Variants in KMT2D observed in about 807,000 individuals in gnomAD.
KMT2D encodes histone-lysine N-methyltransferase 2D.
A neutral mutation model predicts 512.7 loss-of-function variants in KMT2D; 55 were observed. That is an observed-to-expected ratio of 0.11 (90% CI 0.09 to 0.13). The LOEUF (loss-of-function observed/expected upper bound fraction) is 0.13. KMT2D is among the 10% of genes least tolerant of loss of function. The pLI, the probability that KMT2D is intolerant of heterozygous loss-of-function variation, is 1.00. For synonymous variants in KMT2D, 2,995 were observed against 2,904.0 expected (o/e 1.03, Z -1.01); for missense variants, 6,061 against 7,127.9 (o/e 0.85, Z 5.39).
At position 49,037,171 on chromosome 12, in the gene KMT2D, T is replaced by C. The variant is rs2120475088; in HGVS notation, c.10185A>G (p.Gln3395=). The C allele has an allele frequency of 1.9e-6, 3 of 1,595,684 alleles. No homozygotes were observed. Among genetic ancestry groups the C allele is most frequent in the Non-Finnish European group, 2.6e-6 (3 of 1,166,302 alleles). Residue 3395 remains glutamine (Q), a synonymous_variant, in exon 35 of 55, where the codon CAA becomes CAG. Transcript: ENST00000301067. The part of the protein sequence containing the change: ...MPPSMCMKPQ[Q]LAMQQQLANS... ...TTGCCAGCTGCTGCTGCATTGCCAA[T>C]TGCTGCGGCTTCATGCACATGGAAG...
In KMT2D at chr12:49,050,662, G is replaced by T. The variant is rs1481084539; in HGVS notation, c.2926C>A (p.Pro976Thr). The change falls in exon 12 of 55, where the codon CCC (proline) becomes ACC (threonine). Residue 976 changes from proline (P) to threonine (T), a missense_variant. Pro to Thr is a conservative substitution (Grantham distance 38). Transcript: ENST00000301067. ...DSDPESPLAA[P>T]ILETPISPPP... ...GGGCTGATGGGTGTCTCCAGGATGG[G>T]GGCAGCCAACGGTGACTCAGGGTCA... 6.2e-7 allele frequency: 1 copy of T among 1,613,514 alleles called. No individual in the cohort carries two copies. Among genetic ancestry groups the T allele is most frequent in the African/African-American group, 1.3e-5 (1 of 74,930 alleles).
Position 49,039,700 on chromosome 12 carries a change from C to G in KMT2D, c.8046+24G>C, listed in dbSNP as rs775763674. On this transcript the variant is annotated intron_variant, in intron 32 of 54. Transcript: ENST00000301067. This position sits in a 1 kb window ranked among gnomAD's most constrained non-coding sequence, Gnocchi z 5.0. ...CCAGAGACAGGAGCGATATAGGGGGCTTAGCTCCAGGGTGTCAACTTACCT... is the reference window on the plus strand; with the variant it reads ...CCAGAGACAGGAGCGATATAGGGGGGTTAGCTCCAGGGTGTCAACTTACCT... 2 of 1,608,270 alleles carry G rather than the reference C, an allele frequency of 1.2e-6. No individual in the cohort carries two copies. The highest frequency in any genetic ancestry group is 1.7e-5 in the Admixed American group (1 of 59,840).
rs1282433002 is a variant in KMT2D at position 49,054,034 on chromosome 12, G to C, written c.617C>G (p.Ser206Cys). Residue 206 changes from serine to cysteine, a missense_variant, in exon 6 of 55, where the codon TCC (serine) becomes TGC (cysteine). By Grantham distance (112) the Ser-to-Cys change is moderately radical. This residue lies in a region of KMT2D where 160 missense variants were observed against 225.8 expected (regional missense o/e 0.71). Coordinates refer to ENST00000301067, the MANE Select transcript of KMT2D (RefSeq NM_003482.4). The surrounding 1 kb of genome is among the most constrained non-coding windows in gnomAD (Gnocchi z 6.4). ...GCATAGCAGCTGCAGTGTTTTCATGGATAGGAAGGAACCGCTGGCAGTCGC... is the reference window on the plus strand; with the variant it reads ...GCATAGCAGCTGCAGTGTTTTCATGCATAGGAAGGAACCGCTGGCAGTCGC... ...PCATASGSFLSMKTLQLLCPE... is the reference protein window; with the variant it reads ...PCATASGSFLCMKTLQLLCPE... 6.2e-7 allele frequency: 1 copy of C among 1,613,962 alleles called. No individual in the cohort carries two copies. The highest frequency in any genetic ancestry group is 2.2e-5 in the East Asian group (1 of 44,878).
In KMT2D at chr12:49,037,285, T is replaced by C. The variant is rs2120476768; in HGVS notation, c.10071A>G (p.Leu3357=). The C allele has an allele frequency of 3.7e-6, 6 of 1,613,642 alleles. No individual in the cohort carries two copies. The highest frequency in any genetic ancestry group is 5.1e-6 in the Non-Finnish European group (6 of 1,179,840). ...CTGCCTGCCCTCCATGCTGCCCACT[T>C]AGCATATGCCCTTGATTGGACACCA... The part of the protein sequence containing the change: ...MAMVSNQGHM[L]SGQHGGQAGL... The change falls in exon 35 of 55, where the codon CTA becomes CTG. Residue 3357 remains leucine (L), a synonymous_variant. Transcript: ENST00000301067.
rs199913341 is a variant in KMT2D at position 49,039,508 on chromosome 12, C to G, written c.8156G>C (p.Ser2719Thr). 110 of 1,611,910 alleles carry G rather than the reference C, an allele frequency of 6.8e-5. No individual in the cohort carries two copies. Among genetic ancestry groups the G allele is most frequent in the Non-Finnish European group, 8.4e-5 (99 of 1,179,172 alleles). The change falls in exon 33 of 55, where the codon AGC becomes ACC. Residue 2719 changes from serine (S) to threonine (T), a missense_variant. Ser to Thr is a moderately conservative substitution (Grantham distance 58). Around this residue, in one of 16 missense-constraint regions of KMT2D, gnomAD observed 527 missense variants for 578.9 expected, o/e 0.91. Coordinates refer to ENST00000301067, the MANE Select transcript of KMT2D (RefSeq NM_003482.4). The surrounding 1 kb of genome is among the most constrained non-coding windows in gnomAD (Gnocchi z 5.0). ...AGGGCTGCTGGGCTCAGCACCCCAG[C>G]TGCCTGGAGGCCCCACTGCTCCTGC... ...AAAGAVGPPG[S>T]WGAEPSSPAF...
rs1446650180 is a variant in KMT2D at position 49,032,571 on chromosome 12, T to C, written c.12134A>G (p.Gln4045Arg). 6.2e-7 allele frequency: 1 copy of C among 1,613,488 alleles called. No homozygotes were observed. Among genetic ancestry groups the C allele is most frequent in the Non-Finnish European group, 8.5e-7 (1 of 1,179,734 alleles). Residue 4045 changes from glutamine (Q) to arginine (R), a missense_variant, in exon 40 of 55, where the codon CAG becomes CGG. Physicochemically the swap from Gln to Arg is conservative, Grantham distance 43. This residue lies in a region of KMT2D where 1,600 missense variants were observed against 1,754.9 expected (regional missense o/e 0.91). Coordinates refer to ENST00000301067, the MANE Select transcript of KMT2D (RefSeq NM_003482.4). The stretch of plus-strand genomic sequence containing the variant: ...AGTTCCTATTGCTAACGGCCCTCCC[T>C]GATGTGTAGAGGGCCCCTCAGTGGC... ...SEATEGPSTH[Q>R]GGPLAIGTTP...
chr12:49,052,703 T>C lies in KMT2D; in HGVS notation c.1119A>G (p.Ser373=). 1 of 1,611,824 alleles carries C rather than the reference T, an allele frequency of 6.2e-7. No individual in the cohort carries two copies. Among genetic ancestry groups the C allele is most frequent in the Non-Finnish European group, 8.5e-7 (1 of 1,179,148 alleles). Residue 373 remains serine (S), a synonymous_variant, in exon 10 of 55, where the codon TCA becomes TCG. Transcript: ENST00000301067. ...TGGGGGTATCGCCAGGCTCTGGGGG[T>C]GAAAATCTGCAGAGGGTACAGGGGA... is the stretch of plus-strand genomic sequence containing the variant. ...EQHTPVCSRF[S]PPEPGDTPTD...
rs1346820144 is a variant in KMT2D, at chr12:49,043,982, C to A, written c.5205G>T (p.Leu1735=). The change falls in exon 23 of 55, where the codon CTG becomes CTT. Residue 1735 remains leucine (L), a synonymous_variant. Transcript: ENST00000301067. ...GQPDEVIPAD[L]PAEGAVEQSL... ...TCTGCTCCACGGCGCCCTCTGCAGG[C>A]AGGTCAGCAGGTATCACTGTGGACA... 18 of 1,614,054 alleles carry A rather than the reference C, an allele frequency of 1.1e-5. No homozygotes were observed. The highest frequency in any genetic ancestry group is 1.5e-5 in the Non-Finnish European group (18 of 1,179,902).
rs960367723 is a variant in KMT2D at position 49,042,347 on chromosome 12, G to A, written c.5868-17C>T. On this transcript the variant is annotated splice_polypyrimidine_tract_variant and intron_variant, in intron 28 of 54. Coordinates refer to ENST00000301067, the MANE Select transcript of KMT2D (RefSeq NM_003482.4). The surrounding 1 kb of genome is among the most constrained non-coding windows in gnomAD (Gnocchi z 4.4). Reference sequence around the variant, plus strand: ...CCGCGCTCCCTGGGGCGCAGGGGCAGAGAGTCACAGGGCGCAGGGATGCCA... The same window carrying A: ...CCGCGCTCCCTGGGGCGCAGGGGCAAAGAGTCACAGGGCGCAGGGATGCCA... 5 of 1,512,364 alleles carry A rather than the reference G, an allele frequency of 3.3e-6. No individual in the cohort carries two copies. Among genetic ancestry groups the A allele is most frequent in the African/African-American group, 2.8e-5 (2 of 71,800 alleles). The allele number at this position is 1,512,364 out of a possible 1,614,324, so 93.7% of individuals were successfully genotyped here.
At position 49,019,052 on chromosome 12, in the gene KMT2D, G is replaced by T. The variant is rs1592093103; in HGVS notation, c.*2728C>A. 1.5e-6 allele frequency: 2 copies of T among 1,355,518 alleles called. No homozygotes were observed. Among genetic ancestry groups the T allele is most frequent in the Non-Finnish European group, 1.9e-6 (2 of 1,053,416 alleles). 84.0% of individuals were successfully genotyped at this position (1,355,518 alleles called of 1,614,324 possible). ...AAGCAAAATCCAAAACTTGCCCTTTGCCTCTCGCAACATAAATATGTACAG... is the reference window on the plus strand; with the variant it reads ...AAGCAAAATCCAAAACTTGCCCTTTTCCTCTCGCAACATAAATATGTACAG... On this transcript the variant is annotated 3_prime_UTR_variant, in exon 55 of 55. Transcript: ENST00000301067.
In KMT2D at chr12:49,026,048, C is replaced by CCCTG; in HGVS notation, c.15784+130_15784+133dup. ...TTTCACTGGGAGTTTTCAAGAGACC[C>CCCTG]CCTGCCTGCCTGAGGTGGGGGAAGG... On this transcript the variant is annotated intron_variant, in intron 49 of 54. Transcript: ENST00000301067. The surrounding 1 kb of genome is among the most constrained non-coding windows in gnomAD (Gnocchi z 9.6). 1.2e-6 allele frequency: 1 copy of CCCTG among 817,408 alleles called. No homozygotes were observed. The highest frequency in any genetic ancestry group is 1.9e-6 in the Non-Finnish European group (1 of 537,326). 50.6% of individuals were successfully genotyped at this position (817,408 alleles called of 1,614,324 possible).
chr12:49,055,319 G>C lies in KMT2D; in HGVS notation c.6C>G (p.Asp2Glu), dbSNP rs1197278365. The C allele has an allele frequency of 6.2e-7, 1 of 1,613,972 alleles. No homozygotes were observed. The highest frequency in any genetic ancestry group is 1.7e-5 in the Admixed American group (1 of 60,022). MDSQKLAGEDKD... is the reference protein window; with the variant it reads MESQKLAGEDKD... ...TATCCTCACCAGCCAGCTTCTGGCT[G>C]TCCATCCCTCTCTCCGACTGGGCAG... Residue 2 changes from aspartate (D) to glutamate (E), a missense_variant, in exon 2 of 55, where the codon GAC becomes GAG. Around this residue, in one of 16 missense-constraint regions of KMT2D, gnomAD observed 144 missense variants for 165.7 expected, o/e 0.87. Transcript: ENST00000301067.
Position 49,037,190 on chromosome 12 carries a change from A to G in KMT2D, c.10166T>C (p.Met3389Thr), listed in dbSNP as rs779466301. ...TGCCAATTGCTGCGGCTTCATGCACATGGAAGGTGGCATGGTGCCCATGGG... is the reference window on the plus strand; with the variant it reads ...TGCCAATTGCTGCGGCTTCATGCACGTGGAAGGTGGCATGGTGCCCATGGG... ...QKPMGTMPPS[M>T]CMKPQQLAMQ... Residue 3389 changes from methionine to threonine, a missense_variant, in exon 35 of 55, where the codon ATG (methionine) becomes ACG (threonine). By Grantham distance (81) the Met-to-Thr change is moderately conservative. Around this residue, in one of 16 missense-constraint regions of KMT2D, gnomAD observed 533 missense variants for 539.6 expected, o/e 0.99. Coordinates refer to ENST00000301067, the MANE Select transcript of KMT2D (RefSeq NM_003482.4). 1.9e-6 allele frequency: 3 copies of G among 1,606,320 alleles called. No individual in the cohort carries two copies. Among genetic ancestry groups the G allele is most frequent in the Non-Finnish European group, 2.6e-6 (3 of 1,173,900 alleles).
At position 49,042,850 on chromosome 12, in the gene KMT2D, C is replaced by T; in HGVS notation, c.5673G>A (p.Leu1891=). Residue 1891 remains leucine, a synonymous_variant, in exon 27 of 55, where the codon CTG becomes CTA. Transcript: ENST00000301067. The surrounding 1 kb of genome is among the most constrained non-coding windows in gnomAD (Gnocchi z 4.4). ...CCAGAACATCCTTGAAGAGCTGCTG[C>T]AGGTCCTTGGATTCCATCTTGGGCA... ...EELPKMESKD[L]QQLFKDVLGS... 1 of 1,613,956 alleles carries T rather than the reference C, an allele frequency of 6.2e-7. No homozygotes were observed. The highest frequency in any genetic ancestry group is 8.5e-7 in the Non-Finnish European group (1 of 1,179,864).
chr12:49,050,885 C>A lies in KMT2D; in HGVS notation c.2797+1G>T, dbSNP rs727503988. On this transcript the variant is annotated splice_donor_variant, in intron 11 of 54. Transcript: ENST00000301067. LOFTEE classifies it high-confidence loss of function. ...ATAACAGAGTACTAACATCCCCTTA[C>A]CTGGTGGCATCAGCTGAGGCGACAA... The A allele has an allele frequency of 6.5e-7, 1 of 1,537,306 alleles. No homozygotes were observed. The highest frequency in any genetic ancestry group is 8.8e-7 in the Non-Finnish European group (1 of 1,139,606).
chr12:49,034,350 C>G (rs1943109360), intron 38 of KMT2D, 51 bp from the exon 39 acceptor site: 1 of 1,610,598 alleles, frequency 6.2e-7, no homozygotes. Flanking sequence ...ATCCCAATCC[C>G]TCTTCCTCCA....
At position 49,033,035 on chromosome 12, in the gene KMT2D, G is replaced by A. The variant is rs376471354; in HGVS notation, c.11670C>T (p.Ser3890=). The A allele has an allele frequency of 3.7e-4, 578 of 1,551,380 alleles. No individual in the cohort carries two copies. Among genetic ancestry groups the A allele is most frequent in the Middle Eastern group, 6.7e-4 (4 of 5,956 alleles). The change falls in exon 40 of 55, where the codon AGC becomes AGT. Residue 3890 remains serine, a synonymous_variant. Coordinates refer to ENST00000301067, the MANE Select transcript of KMT2D (RefSeq NM_003482.4). The part of the protein sequence containing the change: ...LMSHSGQPKL[S]AQPMGSLQQL... Reference sequence around the variant, plus strand: ...GCTGTAAAGAGCCCATGGGCTGAGCGCTCAGTTTGGGCTGCCCACTGTGTG... The same window carrying A: ...GCTGTAAAGAGCCCATGGGCTGAGCACTCAGTTTGGGCTGCCCACTGTGTG...
Position 49,020,162 on chromosome 12 carries a change from TC to T in KMT2D, c.*1617del, listed in dbSNP as rs1405803073. On this transcript the variant is annotated 3_prime_UTR_variant, in exon 55 of 55. Coordinates refer to ENST00000301067, the MANE Select transcript of KMT2D (RefSeq NM_003482.4). ...GAAGGAAAGGGAGGCAAGGAACCCATCACCCTCTGGCTCCCCCTGGGGTCAG... is the reference window on the plus strand; with the variant it reads ...GAAGGAAAGGGAGGCAAGGAACCCATACCCTCTGGCTCCCCCTGGGGTCAG... 1.1e-5 allele frequency: 2 copies of T among 182,158 alleles called. No individual in the cohort carries two copies. The highest frequency in any genetic ancestry group is 2.3e-5 in the Non-Finnish European group (2 of 85,392). 11.3% of individuals were successfully genotyped at this position (182,158 alleles called of 1,614,324 possible).
rs749279365 is a variant in KMT2D, at chr12:49,050,403, A to G, written c.3185T>C (p.Val1062Ala). The G allele has an allele frequency of 6.2e-7, 1 of 1,613,730 alleles. No individual in the cohort carries two copies. Among genetic ancestry groups the G allele is most frequent in the Non-Finnish European group, 8.5e-7 (1 of 1,179,784 alleles). Residue 1062 changes from valine (V) to alanine (A), a missense_variant, in exon 12 of 55, where the codon GTG becomes GCG. Transcript: ENST00000301067. Reference protein sequence around the residue: ...PSPLSPIGKVVGVSDEAELHE... With the variant: ...PSPLSPIGKVAGVSDEAELHE... ...CAGCTCAGCCTCATCTGAGACCCCC[A>G]CTACCTTCCCTATGGGACTCAACGG...
Sources: gnomAD v4.1 joint callset for allele counts on GRCh38, gnomAD v4.1.1 for gene constraint, gnomAD v4.1.1 regional missense constraint, Gnocchi (gnomAD v3.1) non-coding constraint, MANE v1.5 for transcripts, NCBI Gene and HGNC (gene_info 2026-07-23, HGNC 2026-07-21) for gene names.